Variants in IGF1R observed in about 807,000 individuals in gnomAD.
The protein encoded by IGF1R is insulin-like growth factor 1 receptor.
Under a neutral mutation model 144.6 loss-of-function variants are expected in IGF1R, and 44 were observed. The observed-to-expected ratio is 0.30, with a 90% CI of 0.24 to 0.39. The LOEUF is 0.39. Among genes scored for constraint, IGF1R ranks in the 10% least tolerant of loss-of-function variants. IGF1R has a pLI of 1.00. For synonymous variants in IGF1R, 795 were observed against 722.8 expected (o/e 1.10, Z -1.60); for missense variants, 1,355 against 1,833.7 (o/e 0.74, Z 4.77).
intron 1 of IGF1R, among the ~76,000 whole-genome samples, chr15:98,656,484 G>C (rs2052487890): frequency 6.6e-6 from 1 of 152,210 alleles, no homozygotes; most frequent in African/African-American, 2.4e-5. Flanking sequence ...AGGAGGCAGA[G>C]GTTGCAGTGA....
rs573656249 is a variant in IGF1R, at chr15:98,948,082, TTGTC to T, written c.3588-489_3588-486del. Among the ~76,000 whole-genome samples, 252 of 152,252 alleles carry T rather than the reference TTGTC, an allele frequency of 1.7e-3. 1 individual carries two copies. Among genetic ancestry groups the T allele is most frequent in the Non-Finnish European group, 3.2e-3 (216 of 68,024 alleles). On this transcript the variant is annotated intron_variant, in intron 19 of 20. Transcript: ENST00000650285. ...ACCACCTGGGTAGAGGTTTCCAAAA[TTGTC>T]TGATTGTAAAAATCACCTGAGGAGC...
At chr15:98,788,056 C>CTG (rs1218256852) in intron 2 of IGF1R, among the ~76,000 whole-genome samples, 1,820 of 106,362 alleles carry the variant, frequency 0.017, 12 homozygotes, top group Non-Finnish European at 0.022. Flanking sequence ...CTCTCTCTCT[C>CTG]TCTCTCTGTG....
chr15:98,947,764 G>A (rs897578317), intron 19 of IGF1R, among the ~76,000 whole-genome samples: 30 of 152,170 alleles, frequency 2.0e-4, no homozygotes, highest in African/African-American at 6.5e-4. Context: ...CTCTGCTTAA[G>A]GATTCTTTGT....
chr15:98,942,936 G>A lies in IGF1R; in HGVS notation c.3471G>A (p.Thr1157=), dbSNP rs28664854. The change falls in exon 19 of 21, where the codon ACG becomes ACA. Residue 1157 remains threonine, a synonymous_variant. Transcript: ENST00000650285. ...CTTCCCTTACAGATTTTGGTATGAC[G>A]CGAGATATCTATGAGACAGACTATT... The part of the protein sequence containing the change: ...FTVKIGDFGM[T]RDIYETDYYR... The A allele has an allele frequency of 1.1e-4, 170 of 1,614,166 alleles. No homozygotes were observed. The South Asian group carries it at 1.2e-3, about 12-fold the overall frequency.
chr15:98,755,294 A>G (rs1003600896), intron 2 of IGF1R, among the ~76,000 whole-genome samples: 4 of 152,088 alleles, frequency 2.6e-5, no homozygotes, highest in Non-Finnish European at 5.9e-5. Flanking sequence ...AGTTCACAAA[A>G]TGGATGATTC....
intron 1 of IGF1R, chr15:98,651,082 G>A (rs915957637): frequency 1.0e-5 from 10 of 985,084 alleles, no homozygotes; most frequent in Non-Finnish European, 1.2e-5. Flanking sequence ...GGGCGTGTTG[G>A]TGAGTAATGG....
At chr15:98,652,511 G>C (rs890477476) in intron 1 of IGF1R, among the ~76,000 whole-genome samples, 1 of 152,232 alleles carries the variant, frequency 6.6e-6, no homozygotes, top group Non-Finnish European at 1.5e-5. Flanking sequence ...TTTTGTGGAA[G>C]GGTGGGGTTT....
chr15:98,957,663 C>A lies in IGF1R; in HGVS notation c.*221C>A. On this transcript the variant is annotated 3_prime_UTR_variant, in exon 21 of 21. Coordinates refer to ENST00000650285, the MANE Select transcript of IGF1R (RefSeq NM_000875.5). ...CAGCTTTTTATTCCCTGCCCAAACC[C>A]TTAACTGACATGGGCCTTTAAGAAC... is the stretch of plus-strand genomic sequence containing the variant. The A allele has an allele frequency of 3.3e-6, 2 of 610,774 alleles. 1 individual carries two copies. The highest frequency in any genetic ancestry group is 3.7e-5 in the African/African-American group (2 of 54,206). The allele number at this position is 610,774 out of a possible 1,614,324, so 37.8% of individuals were successfully genotyped here.
At chr15:98,919,834 G>A (rs777461996) in intron 10 of IGF1R, among the ~76,000 whole-genome samples, 25 of 152,198 alleles carry the variant, frequency 1.6e-4, no homozygotes, top group Non-Finnish European at 2.8e-4. Flanking sequence ...GAATCACAGA[G>A]GCTGGCTTTC....
chr15:98,910,132 T>C (rs2014943337), intron 6 of IGF1R, among the ~76,000 whole-genome samples: 1 of 152,180 alleles, frequency 6.6e-6, no homozygotes, highest in South Asian at 2.1e-4. Context: ...CTCTGGGGGA[T>C]CTTAGAGGGA....
intron 2 of IGF1R, among the ~76,000 whole-genome samples, chr15:98,883,307 T>A (rs1596392983): frequency 6.6e-6 from 1 of 152,076 alleles, no homozygotes; most frequent in East Asian, 1.9e-4. Context: ...CTCAGTGGGG[T>A]TTTTTTCCAA....
chr15:98,827,381 A>G (rs1321628120), intron 2 of IGF1R, among the ~76,000 whole-genome samples: 1 of 152,178 alleles, frequency 6.6e-6, no homozygotes, highest in Non-Finnish European at 1.5e-5. Flanking sequence ...GCTTTGCTCT[A>G]TTTAAGTAAT....
At chr15:98,875,394 G>A (rs1373258738) in intron 2 of IGF1R, among the ~76,000 whole-genome samples, 4 of 143,204 alleles carry the variant, frequency 2.8e-5, no homozygotes, top group Admixed American at 7.2e-5. Flanking sequence ...GGGTTTTTAC[G>A]GTGTTCAGGG....
chr15:98,909,251 C>CTTTTTT (rs372127452), intron 6 of IGF1R, among the ~76,000 whole-genome samples: 7 of 38,870 alleles, frequency 1.8e-4, no homozygotes, highest in East Asian at 1.1e-3. Flanking sequence ...TCTTTTTTTT[C>CTTTTTT]TTTTTTTTTC....
chr15:98,824,683 G>A (rs957542336), intron 2 of IGF1R, among the ~76,000 whole-genome samples: 18 of 152,140 alleles, frequency 1.2e-4, no homozygotes, highest in African/African-American at 4.3e-4. Context: ...TCTCCCACTT[G>A]CTCGGCATTC....
chr15:98,798,486 A>C (rs1372598956), intron 2 of IGF1R, among the ~76,000 whole-genome samples: 1 of 152,124 alleles, frequency 6.6e-6, no homozygotes, highest in African/African-American at 2.4e-5. Context: ...CAGCTGCGTT[A>C]AGAGAGACTG....
intron 4 of IGF1R, among the ~76,000 whole-genome samples, chr15:98,898,258 T>A (rs373225494): frequency 6.6e-6 from 1 of 152,232 alleles, no homozygotes; most frequent in East Asian, 1.9e-4. Flanking sequence ...GTGCCTAAAC[T>A]TTTTTATCTT....
chr15:98,940,649 C>T (rs1447071607), intron 18 of IGF1R, among the ~76,000 whole-genome samples: 1 of 152,202 alleles, frequency 6.6e-6, no homozygotes, highest in African/African-American at 2.4e-5. Context: ...AGGTGATCCA[C>T]GCACCTCGGC....
chr15:98,955,494 A>G (rs2016942419), intron 20 of IGF1R, among the ~76,000 whole-genome samples: 1 of 152,218 alleles, frequency 6.6e-6, no homozygotes, highest in African/African-American at 2.4e-5. Context: ...GAAATGAGGG[A>G]GCGTGGCCCC....
Sources: allele counts gnomAD v4.1 joint callset (sites outside exome capture counted in the v4.1 genomes callset), GRCh38; gene constraint gnomAD v4.1.1; transcripts MANE v1.5; gene names NCBI Gene and HGNC (gene_info 2026-07-23, HGNC 2026-07-21).